HTR1F: variants seen among roughly 807,000 people sequenced by gnomAD.
HTR1F encodes 5-hydroxytryptamine (serotonin) receptor 1F, G protein-coupled.
A neutral mutation model predicts 24.0 loss-of-function variants in HTR1F; 17 were observed. That is an observed-to-expected ratio of 0.71 (90% CI 0.48 to 1.06). The LOEUF is 1.06. Among genes scored for constraint, HTR1F ranks in the 50% least tolerant of loss-of-function variants. HTR1F has a pLI of 0.00. For synonymous variants in HTR1F, 186 were observed against 156.8 expected, an observed-to-expected ratio of 1.19 and a Z score of -1.39; for missense variants, 391 against 427.8, an observed-to-expected ratio of 0.91 and a Z score of 0.76.
intron 2 of HTR1F, among the ~76,000 whole-genome samples, chr3:87,838,923 C>T (rs968528432): frequency 6.6e-6 from 1 of 151,448 alleles, no homozygotes; most frequent in South Asian, 2.1e-4. Context: ...ATATTAATTG[C>T]TTACCTGCTG....
chr3:87,879,060 A>T (rs1705730142), intron 2 of HTR1F, among the ~76,000 whole-genome samples: 1 of 152,214 alleles, frequency 6.6e-6, no homozygotes, highest in Admixed American at 6.5e-5. Flanking sequence ...GTAATCATAC[A>T]GAACTTTTTG....
At chr3:87,893,002 A>G (rs1261361861) in intron 2 of HTR1F, among the ~76,000 whole-genome samples, 2 of 152,106 alleles carry the variant, frequency 1.3e-5, no homozygotes, top group African/African-American at 4.8e-5. Flanking sequence ...TAAGTTAAGT[A>G]TGATATATTA....
intron 2 of HTR1F, among the ~76,000 whole-genome samples, chr3:87,866,107 C>A (rs931764069): frequency 6.6e-6 from 1 of 152,046 alleles, no homozygotes; most frequent in African/African-American, 2.4e-5. Context: ...CCAGTGAGAA[C>A]CATGAGGAAA....
chr3:87,945,036 T>G (rs571829071), intron 2 of HTR1F, among the ~76,000 whole-genome samples: 1 of 151,848 alleles, frequency 6.6e-6, no homozygotes, highest in Non-Finnish European at 1.5e-5. Context: ...TTTTGTTTTG[T>G]TTTTTACTAT....
At chr3:87,829,676 A>T (rs919973553) in intron 2 of HTR1F, among the ~76,000 whole-genome samples, 33 of 152,236 alleles carry the variant, frequency 2.2e-4, no homozygotes, top group African/African-American at 7.0e-4. Context: ...TTTTGGTTCA[A>T]GTGAACCAGC....
intron 2 of HTR1F, among the ~76,000 whole-genome samples, chr3:87,854,945 T>C (rs1460226308): frequency 1.3e-5 from 2 of 152,054 alleles, no homozygotes; most frequent in Non-Finnish European, 2.9e-5. Flanking sequence ...TTGCTGTTTT[T>C]TGGTCGGGTT....
chr3:87,844,244 A>C (rs1230725210), intron 2 of HTR1F, among the ~76,000 whole-genome samples: 1 of 151,630 alleles, frequency 6.6e-6, no homozygotes, highest in Non-Finnish European at 1.5e-5. Flanking sequence ...ATGATATCTC[A>C]TTGTGGTTTT....
At chr3:87,892,372 T>G (rs1272283394) in intron 2 of HTR1F, among the ~76,000 whole-genome samples, 2 of 151,444 alleles carry the variant, frequency 1.3e-5, no homozygotes, top group Admixed American at 1.3e-4. Flanking sequence ...TTATTTCCAT[T>G]GATTATTAAA....
At chr3:87,845,289 A>T (rs1177181494) in intron 2 of HTR1F, among the ~76,000 whole-genome samples, 1 of 151,896 alleles carries the variant, frequency 6.6e-6, no homozygotes, top group Non-Finnish European at 1.5e-5. Flanking sequence ...GAGGAAGTCA[A>T]ATTGTACCTG....
In HTR1F at chr3:87,901,784, A is replaced by G. The variant is rs1706329810; in HGVS notation, c.-43+79660A>G. 2.6e-5 allele frequency among the ~76,000 whole-genome samples: 4 copies of G among 152,064 alleles called. 1 individual carries two copies. The South Asian group carries it at 8.3e-4, about 31-fold the overall frequency. ...TGTAGGAGGATATCTAGTTTCCTCT[A>G]TCATCTGTTTCCAGTCAGGAATGGC... On this transcript the variant is annotated intron_variant, in intron 2 of 2. Transcript: ENST00000319595.
chr3:87,808,720 C>A (rs1302002356), intron 1 of HTR1F, among the ~76,000 whole-genome samples: 1 of 151,672 alleles, frequency 6.6e-6, no homozygotes, highest in African/African-American at 2.4e-5. Context: ...TATTTGAAAT[C>A]TTTCTACTTT....
chr3:87,954,243 T>C (rs1380879367), intron 2 of HTR1F, among the ~76,000 whole-genome samples: 1 of 151,834 alleles, frequency 6.6e-6, no homozygotes, highest in Admixed American at 6.6e-5. Context: ...GTGATGTATA[T>C]CCTAAATCAC....
At chr3:87,971,889 C>T (rs1053517089) in intron 2 of HTR1F, among the ~76,000 whole-genome samples, 1 of 152,188 alleles carries the variant, frequency 6.6e-6, no homozygotes, top group East Asian at 1.9e-4. Context: ...CCTACTTCTA[C>T]TGATATACAT....
Position 87,990,653 on chromosome 3 carries a change from A to C in HTR1F, c.-42-55A>C, listed in dbSNP as rs1392904973. The C allele has an allele frequency of 4.9e-6, 4 of 822,624 alleles. No individual in the cohort carries two copies. The East Asian group carries it at 9.9e-5, about 20-fold the overall frequency. 51.0% of individuals were successfully genotyped at this position (822,624 alleles called of 1,614,324 possible). A position where few individuals can be genotyped will look rare whatever the true frequency, so the allele number is the denominator to read the frequency against. ...CTTTTTAAAAATTATTCTGAAAGGAAGAGAAAAGTTCTTGAAGCCTTCTCT... is the reference window on the plus strand; with the variant it reads ...CTTTTTAAAAATTATTCTGAAAGGACGAGAAAAGTTCTTGAAGCCTTCTCT... On this transcript the variant is annotated intron_variant, in intron 2 of 2. Transcript: ENST00000319595.
intron 2 of HTR1F, among the ~76,000 whole-genome samples, chr3:87,875,193 G>T (rs1276253409): frequency 1.3e-5 from 2 of 152,192 alleles, no homozygotes; most frequent in African/African-American, 4.8e-5. Context: ...GCTCAGGCCT[G>T]TAGTCCCAGC....
At chr3:87,921,613 A>G (rs1267237573) in intron 2 of HTR1F, among the ~76,000 whole-genome samples, 1 of 151,896 alleles carries the variant, frequency 6.6e-6, no homozygotes, top group Non-Finnish European at 1.5e-5. Context: ...GCTATTTAAA[A>G]CTATATAATA....
intron 2 of HTR1F, among the ~76,000 whole-genome samples, chr3:87,922,284 G>A (rs1335630307): frequency 6.6e-6 from 1 of 151,642 alleles, no homozygotes; most frequent in Non-Finnish European, 1.5e-5. Context: ...ATGATGTTGA[G>A]CATTTTTTTC....
chr3:87,904,191 A>C (rs1292654317), intron 2 of HTR1F, among the ~76,000 whole-genome samples: 1 of 152,146 alleles, frequency 6.6e-6, no homozygotes, highest in African/African-American at 2.4e-5. Flanking sequence ...ACACCTAACA[A>C]AATAGCTAAA....
intron 2 of HTR1F, among the ~76,000 whole-genome samples, chr3:87,943,606 G>C (rs562295314): frequency 3.9e-5 from 6 of 152,154 alleles, no homozygotes; most frequent in African/African-American, 1.4e-4. Context: ...GGGGTAGGGA[G>C]GTAGACTCTG....
Sources: allele counts gnomAD v4.1 joint callset (sites outside exome capture counted in the v4.1 genomes callset), GRCh38; gene constraint gnomAD v4.1.1; transcripts MANE v1.5; gene names NCBI Gene and HGNC (gene_info 2026-07-23, HGNC 2026-07-21).